The following TXNDC16 variants were observed in gnomAD, a reference collection of about 807,000 sequenced individuals.
The protein encoded by TXNDC16 is thioredoxin domain-containing protein 16.
A neutral mutation model predicts 85.6 loss-of-function variants in TXNDC16; 74 were observed. That is an observed-to-expected ratio of 0.86 (90% CI 0.72 to 1.05). TXNDC16 has a LOEUF of 1.05. Ranked by LOEUF, TXNDC16 falls within the 50% of genes least tolerant of loss-of-function variation. TXNDC16 has a pLI of 0.00. For synonymous variants in TXNDC16, 335 were observed against 326.5 expected, an observed-to-expected ratio of 1.03 and a Z score of -0.28; for missense variants, 959 against 947.0, an observed-to-expected ratio of 1.01 and a Z score of -0.17.
intron 6 of TXNDC16, among the ~76,000 whole-genome samples, chr14:52,525,744 T>A (rs8022567): frequency 0.06 from 6,316 of 104,794 alleles, 158 homozygotes; most frequent in Middle Eastern, 0.077. Flanking sequence ...ATAATAATAA[T>A]AAATAAAAAT....
intron 7 of TXNDC16, among the ~76,000 whole-genome samples, chr14:52,517,989 G>A (rs1258275039): frequency 1.3e-5 from 2 of 152,114 alleles, no homozygotes; most frequent in African/African-American, 4.8e-5. Flanking sequence ...ATACTGCTAG[G>A]TAGGCATAAT....
At chr14:52,521,152 G>A (rs927392723) in intron 6 of TXNDC16, among the ~76,000 whole-genome samples, 8 of 151,676 alleles carry the variant, frequency 5.3e-5, no homozygotes, top group African/African-American at 1.7e-4. Context: ...TTGCTCTGTC[G>A]CCCGGGCTAG....
chr14:52,434,156 T>G (rs1337252213), intron 20 of TXNDC16, among the ~76,000 whole-genome samples: 1 of 152,216 alleles, frequency 6.6e-6, no homozygotes, highest in Non-Finnish European at 1.5e-5. Flanking sequence ...ACCACTGCAC[T>G]CAAACCTGGA....
In TXNDC16 at chr14:52,537,607, A is replaced by G. The variant is rs2037732546; in HGVS notation, c.309T>C (p.Tyr103=). 6.3e-7 allele frequency: 1 copy of G among 1,582,572 alleles called. No individual in the cohort carries two copies. The highest frequency in any genetic ancestry group is 8.7e-7 in the Non-Finnish European group (1 of 1,153,418). The change falls in exon 5 of 21, where the codon TAT becomes TAC. Residue 103 remains tyrosine (Y), a synonymous_variant. Coordinates refer to ENST00000281741, the MANE Select transcript of TXNDC16 (RefSeq NM_020784.3). Reference sequence around the variant, plus strand: ...TCAGGAAAATAGCTTACTTGAATAAATATGCTTTCATCAAATCCTTTTCTT... The same window carrying G: ...TCAGGAAAATAGCTTACTTGAATAAGTATGCTTTCATCAAATCCTTTTCTT... ...CGKEKDLMKA[Y]LFKGNILLRE... is the part of the protein sequence containing the mutation.
At position 52,522,739 on chromosome 14, in the gene TXNDC16, C is replaced by G. The variant is rs565596066; in HGVS notation, c.393-3446G>C. On this transcript the variant is annotated intron_variant, in intron 6 of 20. Coordinates refer to ENST00000281741, the MANE Select transcript of TXNDC16 (RefSeq NM_020784.3). ...CTTTGAGTCCAGTTCTCTAGCCCTT[C>G]TATCAAGGCTGAGATTTCCTATATC... Among the ~76,000 whole-genome samples the G allele has an allele frequency of 1.2e-4, 18 of 152,310 alleles. 1 individual carries two copies. The South Asian group carries it at 3.7e-3, about 32-fold the overall frequency.
chr14:52,507,801 C>A (rs1555339795), intron 9 of TXNDC16, among the ~76,000 whole-genome samples: 1 of 152,140 alleles, frequency 6.6e-6, no homozygotes, highest in Non-Finnish European at 1.5e-5. Flanking sequence ...GTGACAAAAA[C>A]AAGAAATTGG....
At chr14:52,458,027 G>A (rs565691190) in intron 16 of TXNDC16, among the ~76,000 whole-genome samples, 10 of 152,282 alleles carry the variant, frequency 6.6e-5, no homozygotes, top group African/African-American at 2.4e-4. Flanking sequence ...ATGGAAGAAT[G>A]AGTCACATAG....
chr14:52,507,837 G>C (rs955516090), intron 9 of TXNDC16, among the ~76,000 whole-genome samples: 1 of 152,152 alleles, frequency 6.6e-6, no homozygotes, highest in Non-Finnish European at 1.5e-5. Flanking sequence ...TTTAATAAAT[G>C]GTGCTGGAAA....
At chr14:52,488,236 C>T in intron 12 of TXNDC16, 127 bp downstream of exon 12, 2 of 1,157,470 alleles carry the variant, frequency 1.7e-6, no homozygotes, top group Non-Finnish European at 1.2e-6. Context: ...CAAATAAATT[C>T]CGCCAGGTTT....
chr14:52,500,741 T>G (rs1353800641), intron 9 of TXNDC16, among the ~76,000 whole-genome samples: 1 of 152,224 alleles, frequency 6.6e-6, no homozygotes, highest in Non-Finnish European at 1.5e-5. Context: ...TCTTTCTAAT[T>G]TCCTATATAA....
At chr14:52,514,480 T>C (rs765567921) in intron 8 of TXNDC16, among the ~76,000 whole-genome samples, 7 of 152,182 alleles carry the variant, frequency 4.6e-5, no homozygotes, top group African/African-American at 1.7e-4. Context: ...GTTCAAAAAC[T>C]GTACCTAAAT....
chr14:52,516,733 T>C (rs1275539531), intron 7 of TXNDC16, among the ~76,000 whole-genome samples: 1 of 152,032 alleles, frequency 6.6e-6, no homozygotes, highest in African/African-American at 2.4e-5. Flanking sequence ...GACAATTATC[T>C]TCCCATCCCC....
intron 7 of TXNDC16, among the ~76,000 whole-genome samples, chr14:52,516,731 T>A (rs2037090893): frequency 6.6e-6 from 1 of 152,064 alleles, no homozygotes; most frequent in African/African-American, 2.4e-5. Flanking sequence ...CAGACAATTA[T>A]CTTCCCATCC....
rs1259455265 is a variant in TXNDC16 at position 52,430,689 on chromosome 14, GT to G, written c.*1614del. 1.3e-5 allele frequency: 2 copies of G among 152,166 alleles called. No homozygotes were observed. Among genetic ancestry groups the G allele is most frequent in the Non-Finnish European group, 2.9e-5 (2 of 68,034 alleles). 9.4% of individuals were successfully genotyped at this position (152,166 alleles called of 1,614,324 possible). A position where few individuals can be genotyped will look rare whatever the true frequency, so the allele number is the denominator to read the frequency against. On this transcript the variant is annotated 3_prime_UTR_variant, in exon 21 of 21. Transcript: ENST00000281741. Reference sequence around the variant, plus strand: ...AGGTACAATGACTAAGCAATTTCATGTTTCTATGTGCTGGTACTTAATTAGC... The same window carrying G: ...AGGTACAATGACTAAGCAATTTCATGTTCTATGTGCTGGTACTTAATTAGC...
At chr14:52,543,003 G>A (rs1265376179) in intron 3 of TXNDC16, among the ~76,000 whole-genome samples, 4 of 151,908 alleles carry the variant, frequency 2.6e-5, no homozygotes, top group Non-Finnish European at 5.9e-5. Flanking sequence ...TTAATCTAAA[G>A]CATTACATTT....
At chr14:52,482,579 G>A (rs943381757) in intron 13 of TXNDC16, among the ~76,000 whole-genome samples, 1 of 152,030 alleles carries the variant, frequency 6.6e-6, no homozygotes, top group South Asian at 2.1e-4. Flanking sequence ...AATCATTAGC[G>A]TGAGTCACAA....
intron 14 of TXNDC16, among the ~76,000 whole-genome samples, chr14:52,474,011 C>CA (rs1382385116): frequency 2.6e-5 from 4 of 152,088 alleles, no homozygotes; most frequent in Non-Finnish European, 4.4e-5. Context: ...CAAAATAGTC[C>CA]ATTTATCTGA....
intron 18 of TXNDC16, 132 bp downstream of exon 18, chr14:52,455,192 C>T (rs2035503549): frequency 4.1e-6 from 4 of 972,200 alleles, no homozygotes; most frequent in Non-Finnish European, 4.5e-6. Context: ...CAGAACAATC[C>T]AGTAAATCCT....
intron 6 of TXNDC16, among the ~76,000 whole-genome samples, chr14:52,520,942 T>C (rs1309442280): frequency 6.6e-6 from 1 of 152,156 alleles, no homozygotes; most frequent in Non-Finnish European, 1.5e-5. Context: ...AAGGAGCTTT[T>C]ATGTAAGTTA....
Sources: gnomAD v4.1 joint callset for allele counts (sites outside exome capture counted in the v4.1 genomes callset) on GRCh38, gnomAD v4.1.1 for gene constraint, MANE v1.5 for transcripts, NCBI Gene and HGNC (gene_info 2026-07-23, HGNC 2026-07-21) for gene names.